The following PRKD1 variants were observed in gnomAD, a reference collection of about 807,000 sequenced individuals.
PRKD1 encodes the protein protein kinase D1.
Under a neutral mutation model 95.9 loss-of-function variants are expected in PRKD1, and 63 were observed. The observed-to-expected ratio is 0.66, with a 90% CI of 0.54 to 0.81. The LOEUF is 0.81. PRKD1 is among the 30% of genes least tolerant of loss of function. The pLI is 0.00. For missense variants in PRKD1, 1,048 were observed against 1,165.3 expected (o/e 0.90, Z 1.47); for synonymous variants, 425 against 423.1 (o/e 1.00, Z -0.05).
At chr14:29,723,469 G>C (rs1015618489) in intron 2 of PRKD1, among the ~76,000 whole-genome samples, 2 of 152,114 alleles carry the variant, frequency 1.3e-5, no homozygotes, top group African/African-American at 4.8e-5. Flanking sequence ...GCCTAAAAAG[G>C]CTAAGGGAAA....
At chr14:29,919,054 A>T (rs1894990944) in intron 1 of PRKD1, among the ~76,000 whole-genome samples, 1 of 152,226 alleles carries the variant, frequency 6.6e-6, no homozygotes, top group Non-Finnish European at 1.5e-5. Context: ...TGTGCCTAAA[A>T]ACAAGCAATA....
intron 1 of PRKD1, among the ~76,000 whole-genome samples, chr14:29,818,388 G>T (rs1890775327): frequency 6.6e-6 from 1 of 152,048 alleles, no homozygotes; most frequent in Non-Finnish European, 1.5e-5. Context: ...CTAAATATTT[G>T]CTATCTATTA....
At chr14:29,760,241 C>T (rs1213207828) in intron 1 of PRKD1, among the ~76,000 whole-genome samples, 6 of 152,080 alleles carry the variant, frequency 3.9e-5, no homozygotes, top group Admixed American at 6.6e-5. Context: ...CAATAAAAAA[C>T]CACACACATT....
intron 13 of PRKD1, among the ~76,000 whole-genome samples, chr14:29,609,710 C>CTTTCT (rs1408663734): frequency 5.1e-4 from 11 of 21,746 alleles, no homozygotes; most frequent in African/African-American, 6.6e-4. Flanking sequence ...CCAGCTATTT[C>CTTTCT]TTTATTTTTT....
chr14:29,919,588 T>C (rs938548364), intron 1 of PRKD1, among the ~76,000 whole-genome samples: 11 of 152,342 alleles, frequency 7.2e-5, no homozygotes, highest in East Asian at 3.9e-4. Context: ...AAATATCTCA[T>C]ATTCTTATAG....
At chr14:29,608,855 ATT>A (rs1878216756) in intron 13 of PRKD1, among the ~76,000 whole-genome samples, 1 of 152,192 alleles carries the variant, frequency 6.6e-6, no homozygotes, top group Admixed American at 6.5e-5. Context: ...AAACAGGCTC[ATT>A]CTTCATTAAT....
At chr14:29,839,802 T>G (rs1191074805) in intron 1 of PRKD1, among the ~76,000 whole-genome samples, 1 of 152,088 alleles carries the variant, frequency 6.6e-6, no homozygotes, top group Admixed American at 6.5e-5. Context: ...TGTGAAGCCA[T>G]GACCTGAGCT....
intron 2 of PRKD1, among the ~76,000 whole-genome samples, chr14:29,682,538 C>T (rs905765142): frequency 1.3e-5 from 2 of 152,162 alleles, no homozygotes; most frequent in Admixed American, 6.6e-5. Context: ...CCCTTCCTTG[C>T]TTTATTAAAT....
At chr14:29,858,995 C>A (rs539704247) in intron 1 of PRKD1, among the ~76,000 whole-genome samples, 3 of 152,236 alleles carry the variant, frequency 2.0e-5, no homozygotes, top group African/African-American at 7.2e-5. Context: ...TGATTACTAT[C>A]TTTTTAATTA....
intron 1 of PRKD1, among the ~76,000 whole-genome samples, chr14:29,864,508 A>G (rs1172557526): frequency 1.3e-5 from 2 of 152,152 alleles, no homozygotes; most frequent in African/African-American, 4.8e-5. Flanking sequence ...CAAAAGTGGC[A>G]GTATGATGAA....
intron 2 of PRKD1, among the ~76,000 whole-genome samples, chr14:29,666,863 A>G (rs1277701423): frequency 6.6e-6 from 1 of 152,166 alleles, no homozygotes; most frequent in Non-Finnish European, 1.5e-5. Flanking sequence ...ATTCTGAGAA[A>G]TACACCTTAA....
At chr14:29,716,786 T>C (rs1397940434) in intron 2 of PRKD1, among the ~76,000 whole-genome samples, 2 of 152,156 alleles carry the variant, frequency 1.3e-5, no homozygotes, top group African/African-American at 4.8e-5. Flanking sequence ...TTTAGTACAA[T>C]AGCAAATGGG....
rs1326911787 is a variant in PRKD1, at chr14:29,599,644, T to C, written c.2067+12A>G. 3 of 1,600,834 alleles carry C rather than the reference T, an allele frequency of 1.9e-6. No individual in the cohort carries two copies. The South Asian group carries it at 3.4e-5, about 18-fold the overall frequency. The stretch of plus-strand genomic sequence containing the variant: ...AATATTGTATTTTTTCCGTCTCTAA[T>C]TGATTTCTTACCTGAGTAATTAAAA... On this transcript the variant is annotated intron_variant, in intron 14 of 17. Coordinates refer to ENST00000331968, the MANE Select transcript of PRKD1 (RefSeq NM_002742.3).
At position 29,722,469 on chromosome 14, in the gene PRKD1, T is replaced by C. The variant is rs373639043; in HGVS notation, c.403+3067A>G. On this transcript the variant is annotated intron_variant, in intron 2 of 17. Transcript: ENST00000331968. ...CCAAAAGAATGCATAGCAAGAAGAC[T>C]TGAAGTTCAGTTTATTTCTGAGGAT... 3.9e-5 allele frequency among the ~76,000 whole-genome samples: 6 copies of C among 152,332 alleles called. No homozygotes were observed. In the East Asian group the frequency reaches 5.8e-4, roughly 15 times the overall value.
chr14:29,632,338 T>A (rs1880060595), intron 9 of PRKD1, among the ~76,000 whole-genome samples: 1 of 151,728 alleles, frequency 6.6e-6, no homozygotes, highest in African/African-American at 2.4e-5. Context: ...CTCTATGAAG[T>A]TTTTTTTGGA....
chr14:29,877,000 A>C (rs140387771), intron 1 of PRKD1, among the ~76,000 whole-genome samples: 1 of 152,132 alleles, frequency 6.6e-6, no homozygotes, highest in Non-Finnish European at 1.5e-5. Context: ...AAAAATACAA[A>C]AATTAGACAG....
intron 1 of PRKD1, among the ~76,000 whole-genome samples, chr14:29,899,402 T>C (rs10148393): frequency 0.015 from 2,230 of 152,258 alleles, 63 homozygotes; most frequent in African/African-American, 0.051. Flanking sequence ...ATCTCAGCAC[T>C]TTCAGAGGCC....
At chr14:29,918,592 C>G (rs1566671405) in intron 1 of PRKD1, among the ~76,000 whole-genome samples, 1 of 152,130 alleles carries the variant, frequency 6.6e-6, no homozygotes, top group African/African-American at 2.4e-5. Context: ...TACCACTTGA[C>G]TCTTTATTTC....
At chr14:29,765,661 T>C (rs747922987) in intron 1 of PRKD1, among the ~76,000 whole-genome samples, 5 of 152,264 alleles carry the variant, frequency 3.3e-5, no homozygotes, top group Middle Eastern at 3.4e-3. Context: ...TATTAATAGA[T>C]TTTGGTATAG....
Sources: gnomAD v4.1 joint callset for allele counts (sites outside exome capture counted in the v4.1 genomes callset) on GRCh38, gnomAD v4.1.1 for gene constraint, MANE v1.5 for transcripts, NCBI Gene and HGNC (gene_info 2026-07-23, HGNC 2026-07-21) for gene names.